ZNF618: variants seen among roughly 807,000 people sequenced by gnomAD.
ZNF618 encodes zinc finger protein 618.
In ZNF618, 34 loss-of-function variants were observed where a neutral mutation model predicts 103.0. The ratio of observed to expected loss-of-function variants is 0.33; its 90% CI spans 0.25 to 0.44. The LOEUF (loss-of-function observed/expected upper bound fraction) is 0.44, where lower values mean the gene tolerates loss of function less well. Among genes scored for constraint, ZNF618 ranks in the 20% least tolerant of loss-of-function variants. ZNF618 has a pLI of 1.00. For missense variants in ZNF618, 1,059 were observed against 1,295.4 expected (o/e 0.82, Z 2.80); for synonymous variants, 551 against 542.2 (o/e 1.02, Z -0.23).
At position 113,982,919 on chromosome 9, in the gene ZNF618, G is replaced by A. The variant is rs529362649; in HGVS notation, c.78-5402G>A. 5.9e-5 allele frequency among the ~76,000 whole-genome samples: 9 copies of A among 152,284 alleles called. No homozygotes were observed. The East Asian group carries it at 7.7e-4, about 13-fold the overall frequency. On this transcript the variant is annotated intron_variant, in intron 2 of 14. Coordinates refer to ENST00000374126, the MANE Select transcript of ZNF618 (RefSeq NM_001318042.2). ...TGGTCAGCTTGCACAATTAGTAACC[G>A]GTGACCACGGATAGCAGGTACTTAC...
chr9:113,915,290 A>G (rs1359129142), intron 1 of ZNF618, among the ~76,000 whole-genome samples: 1 of 152,176 alleles, frequency 6.6e-6, no homozygotes, highest in East Asian at 1.9e-4. Context: ...TCAGCAGAAG[A>G]TTCTGAAATA....
Position 114,002,610 on chromosome 9 carries a change from C to T in ZNF618, c.512-14C>T. The stretch of plus-strand genomic sequence containing the variant: ...GGTAGCCCCACCCCCATCCCTCTCT[C>T]TCTCTCTTTGCAGACACCGAAGCCA... On this transcript the variant is annotated splice_polypyrimidine_tract_variant and intron_variant, in intron 5 of 14. Coordinates refer to ENST00000374126, the MANE Select transcript of ZNF618 (RefSeq NM_001318042.2). 1 of 1,609,642 alleles carries T rather than the reference C, an allele frequency of 6.2e-7. No individual in the cohort carries two copies. The highest frequency in any genetic ancestry group is 8.5e-7 in the Non-Finnish European group (1 of 1,179,546).
At chr9:113,907,034 G>A (rs1390443116) in intron 1 of ZNF618, among the ~76,000 whole-genome samples, 4 of 152,248 alleles carry the variant, frequency 2.6e-5, no homozygotes, top group Non-Finnish European at 5.9e-5. Flanking sequence ...TAGTCCTGGA[G>A]GAAAGAGAGC....
chr9:114,042,824 A>C (rs1029987129), intron 13 of ZNF618, among the ~76,000 whole-genome samples: 2 of 152,126 alleles, frequency 1.3e-5, no homozygotes, highest in Admixed American at 6.5e-5. Context: ...GCAAGACCCT[A>C]TCTCTAAAAT....
At chr9:113,977,160 G>T (rs1838556101) in intron 2 of ZNF618, among the ~76,000 whole-genome samples, 4 of 152,168 alleles carry the variant, frequency 2.6e-5, no homozygotes, top group South Asian at 4.1e-4. Flanking sequence ...CAGTTGTAAT[G>T]CCAGGACGGG....
chr9:114,008,705 T>C (rs896493536), intron 9 of ZNF618, among the ~76,000 whole-genome samples, 151 bp downstream of exon 9: 3 of 152,122 alleles, frequency 2.0e-5, no homozygotes, highest in Non-Finnish European at 4.4e-5. Flanking sequence ...CAGTCAGTGT[T>C]AGGACTGGAG....
At chr9:113,957,954 GTT>G in intron 1 of ZNF618, among the ~76,000 whole-genome samples, 1 of 152,110 alleles carries the variant, frequency 6.6e-6, no homozygotes, top group South Asian at 2.1e-4. Flanking sequence ...GCTCCAGGCG[GTT>G]TTCCCTAGAG....
At position 114,055,114 on chromosome 9, in the gene ZNF618, A is replaced by T. The variant is rs1193065850; in HGVS notation, c.*4947A>T. ...AAACCAAAATTCCTTAAAGGGGCACAGCCCAGCCTTGTCCGCAACCTCAGG... is the reference window on the plus strand; with the variant it reads ...AAACCAAAATTCCTTAAAGGGGCACTGCCCAGCCTTGTCCGCAACCTCAGG... On this transcript the variant is annotated 3_prime_UTR_variant, in exon 15 of 15. Transcript: ENST00000374126. 6.6e-6 allele frequency: 1 copy of T among 152,242 alleles called. No homozygotes were observed. Among genetic ancestry groups the T allele is most frequent in the Non-Finnish European group, 1.5e-5 (1 of 68,072 alleles). 9.4% of individuals were successfully genotyped at this position (152,242 alleles called of 1,614,324 possible).
At chr9:113,884,521 A>G (rs1391910289) in intron 1 of ZNF618, among the ~76,000 whole-genome samples, 1 of 152,224 alleles carries the variant, frequency 6.6e-6, no homozygotes, top group Non-Finnish European at 1.5e-5. Flanking sequence ...TAGTCCAAGG[A>G]TGGTAAATAA....
chr9:113,901,571 A>G (rs902353238), intron 1 of ZNF618, among the ~76,000 whole-genome samples: 2 of 152,224 alleles, frequency 1.3e-5, no homozygotes, highest in Admixed American at 6.5e-5. Flanking sequence ...TTTCCGGGAC[A>G]TGCTAAACCC....
chr9:113,934,977 A>G lies in ZNF618; in HGVS notation c.34-34140A>G, dbSNP rs560318367. ...GCGTGGGGCTCAGCATGGTTAGGTC[A>G]TGCCCAGGGTCCCTCACAAGCCTGG... is the stretch of plus-strand genomic sequence containing the variant. On this transcript the variant is annotated intron_variant, in intron 1 of 14. Transcript: ENST00000374126. 3.9e-5 allele frequency among the ~76,000 whole-genome samples: 6 copies of G among 152,326 alleles called. No individual in the cohort carries two copies. The East Asian group carries it at 1.2e-3, about 29-fold the overall frequency.
chr9:114,036,571 G>A (rs958057349), intron 13 of ZNF618, among the ~76,000 whole-genome samples, 194 bp downstream of exon 13: 1 of 152,242 alleles, frequency 6.6e-6, no homozygotes, highest in African/African-American at 2.4e-5. Context: ...CTGCAGGTGG[G>A]GGCGGTGGGG....
intron 1 of ZNF618, among the ~76,000 whole-genome samples, chr9:113,907,531 T>G (rs1033035552): frequency 1.3e-5 from 2 of 152,188 alleles, no homozygotes; most frequent in Admixed American, 1.3e-4. Context: ...TCTTGTTCCC[T>G]TTTGCTGAAT....
Position 114,050,725 on chromosome 9 carries a change from A to C in ZNF618, c.*558A>C. On this transcript the variant is annotated 3_prime_UTR_variant, in exon 15 of 15. Coordinates refer to ENST00000374126, the MANE Select transcript of ZNF618 (RefSeq NM_001318042.2). ...CCCCGGTCCTCCTTTTCCCTCTTTG[A>C]CCCTCTTCCAGCCCTCCTACCCTCC... 2 of 152,746 alleles carry C rather than the reference A, an allele frequency of 1.3e-5. No individual in the cohort carries two copies. Among genetic ancestry groups the C allele is most frequent in the Non-Finnish European group, 2.9e-5 (2 of 68,330 alleles). 9.5% of individuals were successfully genotyped at this position (152,746 alleles called of 1,614,324 possible).
At chr9:114,044,136 G>C (rs1303472172) in intron 13 of ZNF618, among the ~76,000 whole-genome samples, 1 of 152,158 alleles carries the variant, frequency 6.6e-6, no homozygotes, top group African/African-American at 2.4e-5. Context: ...ATGTCTAGAA[G>C]TGTTTTTCTG....
At chr9:114,001,910 C>A in intron 4 of ZNF618, 86 bp from the exon 5 acceptor site, 2 of 1,165,006 alleles carry the variant, frequency 1.7e-6, no homozygotes, top group Non-Finnish European at 2.6e-6. Context: ...AGAGAGTTAG[C>A]CACACTTGTA....
intron 1 of ZNF618, among the ~76,000 whole-genome samples, chr9:113,883,291 G>A (rs1183114702): frequency 6.6e-6 from 1 of 152,196 alleles, no homozygotes; most frequent in Non-Finnish European, 1.5e-5. Flanking sequence ...TCCTTTACAT[G>A]TCTTGGGGGA....
chr9:113,924,826 A>G (rs1832942582), intron 1 of ZNF618, among the ~76,000 whole-genome samples: 1 of 151,946 alleles, frequency 6.6e-6, no homozygotes, highest in African/African-American at 2.4e-5. Context: ...AATATTTTGG[A>G]ATTTTCTGGC....
chr9:114,042,417 A>G (rs1845278234), intron 13 of ZNF618, among the ~76,000 whole-genome samples: 2 of 152,234 alleles, frequency 1.3e-5, no homozygotes, highest in African/African-American at 4.8e-5. Context: ...TCATGCCTGT[A>G]ATCCCAACAC....
Sources: allele counts gnomAD v4.1 joint callset (sites outside exome capture counted in the v4.1 genomes callset), GRCh38; gene constraint gnomAD v4.1.1; transcripts MANE v1.5; gene names NCBI Gene and HGNC (gene_info 2026-07-23, HGNC 2026-07-21).